The following RTKN2 variants were observed in gnomAD, a reference collection of about 807,000 sequenced individuals.
RTKN2 encodes the protein rhotekin 2, also known as rhotekin-2.
RTKN2 carries 69 observed loss-of-function variants against 71.5 expected under a neutral mutation model. That is an observed-to-expected ratio of 0.96 (90% CI 0.79 to 1.18). The LOEUF is 1.18. Ranked by LOEUF, RTKN2 falls within the 50% of genes most tolerant of loss-of-function variation. The pLI is 0.00. For synonymous variants in RTKN2, 236 were observed against 236.5 expected (o/e 1.00, Z 0.02); for missense variants, 724 against 719.7 (o/e 1.01, Z -0.07).
chr10:62,187,813 T>G (rs1468232682), intron 8 of RTKN2, among the ~76,000 whole-genome samples: 1 of 152,196 alleles, frequency 6.6e-6, no homozygotes, highest in African/African-American at 2.4e-5. Context: ...TCCCCAATAC[T>G]ATCTGTAGCT....
intron 5 of RTKN2, among the ~76,000 whole-genome samples, chr10:62,237,438 G>T (rs2132983213): frequency 6.6e-6 from 1 of 152,010 alleles, no homozygotes; most frequent in Non-Finnish European, 1.5e-5. Context: ...AACTTTCACA[G>T]ATATCAGCTT....
chr10:62,212,302 G>A (rs1384299946), intron 9 of RTKN2, among the ~76,000 whole-genome samples: 1 of 151,650 alleles, frequency 6.6e-6, no homozygotes, highest in Non-Finnish European at 1.5e-5. Flanking sequence ...CTGGGAGGTG[G>A]AGGTTGCAGT....
At chr10:62,260,785 T>C (rs1476190816) in intron 2 of RTKN2, among the ~76,000 whole-genome samples, 4 of 152,180 alleles carry the variant, frequency 2.6e-5, no homozygotes, top group African/African-American at 9.7e-5. Context: ...GAGCATTAAA[T>C]ATGGAGGCAG....
At chr10:62,231,879 C>T (rs61850843) in intron 6 of RTKN2, among the ~76,000 whole-genome samples, 13,277 of 152,006 alleles carry the variant, frequency 0.087, 780 homozygotes, top group South Asian at 0.25. Flanking sequence ...AAAATTGATC[C>T]CCTTATGCAT....
In RTKN2 at chr10:62,196,676, A is replaced by G. The variant is rs41274058; in HGVS notation, c.*1232T>C. On this transcript the variant is annotated 3_prime_UTR_variant, in exon 12 of 12. Transcript: ENST00000373789. ...AATTCTTAAATTTTTATTTCTTGCA[A>G]TGACATTTAGGGTTCAGTGTGATTT... 128 of 985,196 alleles carry G rather than the reference A, an allele frequency of 1.3e-4. No homozygotes were observed. The Middle Eastern group carries it at 3.7e-3, about 28-fold the overall frequency. 61.0% of individuals were successfully genotyped at this position (985,196 alleles called of 1,614,324 possible).
At chr10:62,226,980 T>C (rs1164430573) in intron 6 of RTKN2, among the ~76,000 whole-genome samples, 1 of 150,680 alleles carries the variant, frequency 6.6e-6, no homozygotes, top group Non-Finnish European at 1.5e-5. Flanking sequence ...TAGAAGGGGG[T>C]TTTAAATTGA....
At chr10:62,193,062 A>G, downstream of RTKN2, 1 of 270,510 alleles carries the variant, frequency 3.7e-6, no homozygotes, top group Non-Finnish European at 5.7e-6. Context: ...TGTTAATATA[A>G]AATTATAAAA....
At chr10:62,238,909 A>C (rs1842313850) in intron 5 of RTKN2, 1 of 152,048 alleles carries the variant, frequency 6.6e-6, no homozygotes, top group Admixed American at 6.6e-5. Flanking sequence ...TTTAGATCTA[A>C]AGATCGTGTC....
intron 2 of RTKN2, among the ~76,000 whole-genome samples, chr10:62,252,403 G>T (rs1842597897): frequency 6.6e-6 from 1 of 152,034 alleles, no homozygotes; most frequent in South Asian, 2.1e-4. Context: ...ATGCAAGAAA[G>T]TGAAGGAAAC....
chr10:62,231,515 G>A (rs562166555), intron 6 of RTKN2, among the ~76,000 whole-genome samples: 1 of 152,240 alleles, frequency 6.6e-6, no homozygotes, highest in South Asian at 2.1e-4. Flanking sequence ...AAAACCAACA[G>A]TGACCTCACT....
At chr10:62,259,674 C>A (rs577310240) in intron 2 of RTKN2, among the ~76,000 whole-genome samples, 5 of 152,196 alleles carry the variant, frequency 3.3e-5, no homozygotes, top group Non-Finnish European at 7.4e-5. Context: ...GCCTCAGTCT[C>A]TTGAGTAGCT....
chr10:62,245,166 A>G (rs1258557986), intron 3 of RTKN2, among the ~76,000 whole-genome samples: 1 of 152,134 alleles, frequency 6.6e-6, no homozygotes, highest in African/African-American at 2.4e-5. Context: ...CTTCCTGAAC[A>G]CTTTGGAGAA....
chr10:62,189,752 G>T (rs1211647837), downstream of RTKN2, among the ~76,000 whole-genome samples: 1 of 152,116 alleles, frequency 6.6e-6, no homozygotes, highest in Admixed American at 6.5e-5. Context: ...CTTGAACCTG[G>T]CTTGAAGGGG....
Position 62,196,481 on chromosome 10 carries a change from T to C in RTKN2, c.*1427A>G, listed in dbSNP as rs751623514. 40 of 985,158 alleles carry C rather than the reference T, an allele frequency of 4.1e-5. No homozygotes were observed. Among genetic ancestry groups the C allele is most frequent in the Non-Finnish European group, 4.7e-5 (39 of 829,790 alleles). 61.0% of individuals were successfully genotyped at this position (985,158 alleles called of 1,614,324 possible). ...GTGTCCTGGCAGTTACATCATTCTC[T>C]ATAAATGGAAAAGACCCCGCTATCT... On this transcript the variant is annotated 3_prime_UTR_variant, in exon 12 of 12. Coordinates refer to ENST00000373789, the MANE Select transcript of RTKN2 (RefSeq NM_145307.4).
At position 62,268,720 on chromosome 10, in the gene RTKN2, C is replaced by T. The variant is rs866936085; in HGVS notation, c.-110G>A. 8.5e-7 allele frequency: 1 copy of T among 1,180,796 alleles called. No homozygotes were observed. 73.1% of individuals were successfully genotyped at this position (1,180,796 alleles called of 1,614,324 possible). On this transcript the variant is annotated 5_prime_UTR_variant, in exon 1 of 12. Transcript: ENST00000373789. ...GCCAACCGCCCGGCCGTACCAAGTC[C>T]CAGTCGCAGGGGCCGGGGGCGCAGG...
chr10:62,230,853 A>ATAATGAC (rs1432213076), intron 6 of RTKN2, among the ~76,000 whole-genome samples: 13 of 152,224 alleles, frequency 8.5e-5, no homozygotes, highest in African/African-American at 3.1e-4. Flanking sequence ...TTTAAAACAA[A>ATAATGAC]TAATGACTAC....
intron 6 of RTKN2, among the ~76,000 whole-genome samples, chr10:62,232,290 T>C (rs972444567): frequency 6.7e-6 from 1 of 150,098 alleles, no homozygotes; most frequent in African/African-American, 2.4e-5. Flanking sequence ...AAAAGAAATA[T>C]AGATTAAATA....
In RTKN2 at chr10:62,268,737, G is replaced by C. The variant is rs900534988; in HGVS notation, c.-127C>G. 4.5e-5 allele frequency: 44 copies of C among 968,056 alleles called. No individual in the cohort carries two copies. Among genetic ancestry groups the C allele is most frequent in the Non-Finnish European group, 6.4e-5 (42 of 661,174 alleles). The allele number at this position is 968,056 out of a possible 1,614,324, so 60.0% of individuals were successfully genotyped here. ...ACCAAGTCCCAGTCGCAGGGGCCGG[G>C]GGCGCAGGAGGAGCCGGGCCGAAGC... On this transcript the variant is annotated 5_prime_UTR_variant, in exon 1 of 12. Transcript: ENST00000373789.
intron 8 of RTKN2, among the ~76,000 whole-genome samples, chr10:62,187,235 T>A (rs3125731): frequency 6.6e-6 from 1 of 151,310 alleles, no homozygotes; most frequent in Non-Finnish European, 1.5e-5. Flanking sequence ...GCTTTGTTCT[T>A]GTAAGTGACT....
Sources: allele counts gnomAD v4.1 joint callset (sites outside exome capture counted in the v4.1 genomes callset), GRCh38; gene constraint gnomAD v4.1.1; transcripts MANE v1.5; gene names NCBI Gene and HGNC (gene_info 2026-07-23, HGNC 2026-07-21).